Variants in ZMYM4 observed in about 807,000 individuals in gnomAD.
ZMYM4 encodes zinc finger MYM-type protein 4.
A neutral mutation model predicts 183.2 loss-of-function variants in ZMYM4; 31 were observed. The ratio of observed to expected loss-of-function variants is 0.17; its 90% confidence interval spans 0.13 to 0.23. The LOEUF (loss-of-function observed/expected upper bound fraction) is 0.23. ZMYM4 is among the 10% of genes least tolerant of loss of function. The pLI is 1.00. For missense variants in ZMYM4, 1,273 were observed against 1,840.3 expected (o/e 0.69, Z 5.64); for synonymous variants, 592 against 631.2 (o/e 0.94, Z 0.93).
rs78827948 is a variant in ZMYM4 at position 35,407,953 on chromosome 1, A to G, written c.3797-55A>G. The G allele has an allele frequency of 2.6e-3, 4,107 of 1,607,500 alleles. 94 individuals carry two copies. The African/African-American group carries it at 0.047, about 18-fold the overall frequency. ...TGTTCAATGTTTATTCAGTTAATCA[A>G]TGCTACTATGTTTGTTAAAAGTTAA... On this transcript the variant is annotated intron_variant, in intron 25 of 29. Transcript: ENST00000314607.
intron 2 of ZMYM4, among the ~76,000 whole-genome samples, chr1:35,333,255 GA>G (rs1204592568): frequency 1.0e-5 from 1 of 98,572 alleles, no homozygotes; most frequent in East Asian, 2.7e-4. Context: ...GATCATACAT[GA>G]TTTTTTTTTT....
intron 1 of ZMYM4, among the ~76,000 whole-genome samples, chr1:35,288,324 C>T (rs1640603790): frequency 6.6e-6 from 1 of 152,162 alleles, no homozygotes; most frequent in African/African-American, 2.4e-5. Context: ...ACATGTTTAT[C>T]TTTGAGGTAA....
chr1:35,309,967 G>A (rs1275887799), intron 1 of ZMYM4, among the ~76,000 whole-genome samples: 1 of 141,802 alleles, frequency 7.1e-6, no homozygotes, highest in Non-Finnish European at 1.5e-5. Flanking sequence ...CACTCTTGTC[G>A]CCCAAGGTCT....
At chr1:35,386,045 CT>C in intron 10 of ZMYM4, 28 bp from the exon 11 acceptor site, 1 of 1,475,022 alleles carries the variant, frequency 6.8e-7, no homozygotes, top group Non-Finnish European at 9.5e-7. Flanking sequence ...GTACATATTA[CT>C]CATTGGTTTT....
chr1:35,269,250 C>A (rs1160343103), intron 1 of ZMYM4, among the ~76,000 whole-genome samples, 165 bp downstream of exon 1: 2 of 138,410 alleles, frequency 1.4e-5, no homozygotes, highest in Non-Finnish European at 3.1e-5. Flanking sequence ...GCGAGCGGTC[C>A]CTCGGCAGGT....
intron 23 of ZMYM4, 94 bp from the exon 24 acceptor site, chr1:35,404,929 C>G: frequency 7.9e-7 from 1 of 1,271,128 alleles, no homozygotes; most frequent in Non-Finnish European, 1.1e-6. Context: ...ATTCTTTATT[C>G]TACAAATGTA....
chr1:35,337,724 C>T (rs1643034469), intron 2 of ZMYM4, among the ~76,000 whole-genome samples: 1 of 152,030 alleles, frequency 6.6e-6, no homozygotes, highest in Admixed American at 6.6e-5. Context: ...GCGGGTGGAT[C>T]ACCTGAGGTC....
At chr1:35,311,017 C>T (rs1284369706) in intron 1 of ZMYM4, among the ~76,000 whole-genome samples, 1 of 152,198 alleles carries the variant, frequency 6.6e-6, no homozygotes, top group Non-Finnish European at 1.5e-5. Flanking sequence ...GCTTCTATCA[C>T]CCCATTTTTG....
chr1:35,310,808 C>T (rs1641760604), intron 1 of ZMYM4, among the ~76,000 whole-genome samples: 1 of 152,078 alleles, frequency 6.6e-6, no homozygotes, highest in African/African-American at 2.4e-5. Flanking sequence ...GAGCTCCTGA[C>T]CTCAGGTGAT....
At chr1:35,396,084 A>AT (rs1430662807) in intron 18 of ZMYM4, among the ~76,000 whole-genome samples, 1 of 152,096 alleles carries the variant, frequency 6.6e-6, no homozygotes, top group Non-Finnish European at 1.5e-5. Flanking sequence ...CAGTTGATAT[A>AT]TTTTTTATTC....
At chr1:35,349,644 A>G (rs1570408856) in intron 2 of ZMYM4, among the ~76,000 whole-genome samples, 2 of 151,692 alleles carry the variant, frequency 1.3e-5, no homozygotes, top group East Asian at 3.9e-4. Flanking sequence ...CCTGGCCAAC[A>G]TGGTGAAACC....
At chr1:35,349,107 T>G (rs1643500721) in intron 2 of ZMYM4, among the ~76,000 whole-genome samples, 1 of 152,188 alleles carries the variant, frequency 6.6e-6, no homozygotes. Context: ...GCGATTCTCG[T>G]GCCTCAGCTT....
intron 26 of ZMYM4, among the ~76,000 whole-genome samples, chr1:35,408,659 C>T (rs188443360): frequency 6.6e-6 from 1 of 152,208 alleles, no homozygotes. Flanking sequence ...ATCACCTCAG[C>T]CCAGGAGTTT....
intron 7 of ZMYM4, among the ~76,000 whole-genome samples, chr1:35,373,311 C>G (rs1033903875): frequency 6.6e-6 from 1 of 151,098 alleles, no homozygotes; most frequent in African/African-American, 2.4e-5. Flanking sequence ...CTTCAATATA[C>G]CCAGCACAGT....
chr1:35,274,683 C>G (rs1639785307), intron 1 of ZMYM4, among the ~76,000 whole-genome samples: 1 of 150,686 alleles, frequency 6.6e-6, no homozygotes, highest in Non-Finnish European at 1.5e-5. Context: ...TTTTCACACG[C>G]TGGTTCTTCC....
In ZMYM4 at chr1:35,419,612, A is replaced by T. The variant is rs1248525280; in HGVS notation, c.4582A>T (p.Arg1528Trp). 1 of 1,614,166 alleles carries T rather than the reference A, an allele frequency of 6.2e-7. No individual in the cohort carries two copies. The highest frequency in any genetic ancestry group is 8.5e-7 in the Non-Finnish European group (1 of 1,180,026). ...DTMLTRILMV[R>W]EVHEELAKAK... ...CATGTTAACACGTATTCTCATGGTGAGGGAGGTACATGAAGAACTTGCCAA... is the reference window on the plus strand; with the variant it reads ...CATGTTAACACGTATTCTCATGGTGTGGGAGGTACATGAAGAACTTGCCAA... Residue 1528 changes from arginine to tryptophan, a missense_variant, in exon 30 of 30, where the codon AGG becomes TGG. Around this residue, in one of 6 missense-constraint regions of ZMYM4, gnomAD observed 145 missense variants for 331.6 expected, o/e 0.44. Transcript: ENST00000314607.
At chr1:35,304,042 T>C (rs1641411985) in intron 1 of ZMYM4, among the ~76,000 whole-genome samples, 1 of 152,076 alleles carries the variant, frequency 6.6e-6, no homozygotes, top group African/African-American at 2.4e-5. Flanking sequence ...TTTTTTTTTT[T>C]GAAACGGAGT....
Position 35,418,487 on chromosome 1 carries a change from G to A in ZMYM4, c.4354G>A (p.Val1452Ile). Residue 1452 changes from valine (V) to isoleucine (I), a missense_variant, in exon 29 of 30, where the codon GTT (valine) becomes ATT (isoleucine). Around this residue, in one of 6 missense-constraint regions of ZMYM4, gnomAD observed 145 missense variants for 331.6 expected, o/e 0.44. Transcript: ENST00000314607. ...GKRKRNEDDE[V>I]PVGVEMAENT... ...GAGGAAACGAAATGAAGATGATGAG[G>A]TTCCAGTGGGGGTGGAGATGGCAGA... The A allele has an allele frequency of 6.2e-7, 1 of 1,614,026 alleles. No homozygotes were observed. The highest frequency in any genetic ancestry group is 8.5e-7 in the Non-Finnish European group (1 of 1,179,976).
intron 1 of ZMYM4, among the ~76,000 whole-genome samples, chr1:35,287,470 A>T (rs1640558943): frequency 6.6e-6 from 1 of 152,130 alleles, no homozygotes; most frequent in African/African-American, 2.4e-5. Context: ...TTTTGCTGTC[A>T]TACAAATACT....
Sources: gnomAD v4.1 joint callset for allele counts (sites outside exome capture counted in the v4.1 genomes callset) on GRCh38, gnomAD v4.1.1 for gene constraint, gnomAD v4.1.1 regional missense constraint, MANE v1.5 for transcripts, NCBI Gene and HGNC (gene_info 2026-07-23, HGNC 2026-07-21) for gene names.